WWOX: variants seen among roughly 807,000 people sequenced by gnomAD.
WWOX encodes the protein WW domain-containing oxidoreductase.
WWOX carries 69 observed loss-of-function variants against 46.2 expected under a neutral mutation model. The ratio of observed to expected loss-of-function variants is 1.49; its 90% CI spans 1.23 to 1.82. The LOEUF (loss-of-function observed/expected upper bound fraction) is 1.82, where lower values mean the gene tolerates loss of function less well. Among genes scored for constraint, WWOX ranks in the 40% most tolerant of loss-of-function variants. The pLI is 0.00. For synonymous variants in WWOX, 359 were observed against 202.6 expected (o/e 1.77, Z -6.56); for missense variants, 919 against 542.6 (o/e 1.69, Z -6.89).
At chr16:79,040,272 T>C (rs572528021) in intron 8 of WWOX, among the ~76,000 whole-genome samples, 3 of 102,698 alleles carry the variant, frequency 2.9e-5, no homozygotes, top group African/African-American at 1.3e-4. Context: ...TCTTTCTGAG[T>C]TGATTTTTTT....
intron 8 of WWOX, among the ~76,000 whole-genome samples, chr16:78,729,503 G>A (rs1206224307): frequency 6.6e-6 from 1 of 152,100 alleles, no homozygotes; most frequent in African/African-American, 2.4e-5. Context: ...AGACAGAAGA[G>A]GAGGAGTCCA....
chr16:79,082,644 G>A (rs932160499), intron 8 of WWOX, among the ~76,000 whole-genome samples: 3 of 152,154 alleles, frequency 2.0e-5, no homozygotes, highest in Non-Finnish European at 4.4e-5. Context: ...TATAGTTACA[G>A]GCCATTTAAG....
At chr16:79,093,982 AAAT>A (rs1466028150) in intron 8 of WWOX, among the ~76,000 whole-genome samples, 1 of 152,126 alleles carries the variant, frequency 6.6e-6, no homozygotes, top group Non-Finnish European at 1.5e-5. Context: ...CCACTTCCAC[AAAT>A]GCTAGGGAAT....
intron 8 of WWOX, among the ~76,000 whole-genome samples, chr16:78,751,378 C>A (rs921215796): frequency 6.8e-6 from 1 of 148,106 alleles, no homozygotes; most frequent in African/African-American, 2.5e-5. Context: ...TAGTAACACA[C>A]CTCTGTCCTG....
chr16:78,989,814 G>C (rs2046848040), intron 8 of WWOX, among the ~76,000 whole-genome samples: 1 of 122,780 alleles, frequency 8.1e-6, no homozygotes, highest in Non-Finnish European at 1.7e-5. Flanking sequence ...CAGAGGTGGT[G>C]TGTGAGCGTG....
At chr16:78,443,733 C>T (rs751975370) in intron 8 of WWOX, among the ~76,000 whole-genome samples, 2 of 152,162 alleles carry the variant, frequency 1.3e-5, no homozygotes, top group East Asian at 1.9e-4. Flanking sequence ...TCTGTGTGCC[C>T]GTTGGCATTT....
intron 8 of WWOX, among the ~76,000 whole-genome samples, chr16:79,136,084 G>T (rs181064884): frequency 6.6e-6 from 1 of 152,174 alleles, no homozygotes; most frequent in East Asian, 1.9e-4. Flanking sequence ...AGTGAATTTG[G>T]CAGAATACCA....
At chr16:78,493,800 T>G (rs546968233) in intron 8 of WWOX, among the ~76,000 whole-genome samples, 1 of 152,140 alleles carries the variant, frequency 6.6e-6, no homozygotes, top group South Asian at 2.1e-4. Flanking sequence ...AGAGGTGGAA[T>G]TGTTGTGTGA....
At chr16:78,540,368 T>C (rs2043862565) in intron 8 of WWOX, among the ~76,000 whole-genome samples, 1 of 152,156 alleles carries the variant, frequency 6.6e-6, no homozygotes, top group South Asian at 2.1e-4. Context: ...AATTGTTGCC[T>C]GGGCCTGGAT....
Position 78,513,404 on chromosome 16 carries a change from G to C in WWOX, c.1056+80652G>C, listed in dbSNP as rs147265121. ...GAGATAGGGTATCCACTGCCCTGGT[G>C]GGGGAATCAGTGAGGCTAGGAATCA... On this transcript the variant is annotated intron_variant, in intron 8 of 8. Transcript: ENST00000566780. 3.0e-3 allele frequency among the ~76,000 whole-genome samples: 464 copies of C among 152,238 alleles called. 1 individual carries two copies. The highest frequency in any genetic ancestry group is 0.011 in the South Asian group (54 of 4,816).
chr16:79,099,596 G>C (rs922866642), intron 8 of WWOX, among the ~76,000 whole-genome samples: 8 of 89,200 alleles, frequency 9.0e-5, no homozygotes, highest in African/African-American at 1.5e-4. Context: ...GTGTTTGTGA[G>C]AGAGAGAGAG....
At chr16:78,753,838 A>ATATATG (rs2049559416) in intron 8 of WWOX, among the ~76,000 whole-genome samples, 1 of 102,794 alleles carries the variant, frequency 9.7e-6, no homozygotes, top group African/African-American at 4.2e-5. Flanking sequence ...ATATATATAT[A>ATATATG]TATATATATA....
intron 8 of WWOX, among the ~76,000 whole-genome samples, chr16:79,195,589 G>A (rs2051224117): frequency 6.6e-6 from 1 of 152,210 alleles, no homozygotes; most frequent in Non-Finnish European, 1.5e-5. Context: ...CTGAAGCCAT[G>A]CCTCTCTAAC....
chr16:78,117,144 T>C (rs549627215), intron 4 of WWOX, among the ~76,000 whole-genome samples: 2 of 152,342 alleles, frequency 1.3e-5, no homozygotes, highest in East Asian at 3.9e-4. Context: ...TTTGTGCCTC[T>C]TCACAGCTCC....
intron 2 of WWOX, 84 bp from the exon 3 acceptor site, chr16:78,109,667 GTGGGAGGGACAGGCTTGGGGGCGGGGC>G (rs2032370546): frequency 1.9e-6 from 2 of 1,044,024 alleles, no homozygotes; most frequent in Admixed American, 3.8e-5. Flanking sequence ...CAACTGCTGG[GTGGGAGGGACAGGCTTGGGGGCGGGGC>G]TGGGAGGGCT....
intron 8 of WWOX, among the ~76,000 whole-genome samples, chr16:78,744,816 T>A (rs1235159902): frequency 6.6e-6 from 1 of 152,180 alleles, no homozygotes; most frequent in Admixed American, 6.5e-5. Flanking sequence ...TAAAACTGGT[T>A]GGTTGGCCTG....
chr16:78,639,752 G>A (rs570957217), intron 8 of WWOX, among the ~76,000 whole-genome samples: 1 of 152,086 alleles, frequency 6.6e-6, no homozygotes, highest in Admixed American at 6.5e-5. Context: ...TTTTAGTAGA[G>A]ACAGGGTTTC....
intron 5 of WWOX, among the ~76,000 whole-genome samples, chr16:78,218,135 G>A (rs749564272): frequency 1.6e-4 from 24 of 152,000 alleles, no homozygotes; most frequent in Non-Finnish European, 3.1e-4. Flanking sequence ...GCTCACTGCA[G>A]CCTGTAACTC....
At chr16:78,824,466 G>C (rs1254797780) in intron 8 of WWOX, among the ~76,000 whole-genome samples, 1 of 152,102 alleles carries the variant, frequency 6.6e-6, no homozygotes, top group African/African-American at 2.4e-5. Flanking sequence ...TAGGTGCTGG[G>C]GAGAAACAAG....
Sources: gnomAD v4.1 joint callset for allele counts (sites outside exome capture counted in the v4.1 genomes callset) on GRCh38, gnomAD v4.1.1 for gene constraint, MANE v1.5 for transcripts, NCBI Gene and HGNC (gene_info 2026-07-23, HGNC 2026-07-21) for gene names.